Variants in FCGRT observed in about 807,000 individuals in gnomAD.
FCGRT encodes the protein IgG receptor FcRn large subunit p51.
FCGRT carries 13 observed loss-of-function variants against 35.7 expected under a neutral mutation model. The observed-to-expected ratio is 0.36, with a 90% CI of 0.24 to 0.58. The LOEUF is 0.58. Among genes scored for constraint, FCGRT ranks in the 20% least tolerant of loss-of-function variants. The pLI is 0.77. For synonymous variants in FCGRT, 233 were observed against 216.5 expected (o/e 1.08, Z -0.67); for missense variants, 455 against 474.9 (o/e 0.96, Z 0.39).
intron 4 of FCGRT, among the ~76,000 whole-genome samples, chr19:49,519,479 G>GT (rs528586210): frequency 6.6e-5 from 10 of 151,392 alleles, no homozygotes; most frequent in African/African-American, 1.9e-4. Context: ...TTTTCTTTTT[G>GT]TTTTTTTTCC....
intron 4 of FCGRT, among the ~76,000 whole-genome samples, chr19:49,517,799 TCTC>T (rs554359781): frequency 6.6e-6 from 1 of 152,066 alleles, no homozygotes; most frequent in South Asian, 2.1e-4. Context: ...TTCAAACAAT[TCTC>T]CTGCCTCAGC....
In FCGRT at chr19:49,514,284, C is replaced by T. The variant is rs749180876; in HGVS notation, c.399C>T (p.Phe133=). 17 of 1,611,818 alleles carry T rather than the reference C, an allele frequency of 1.1e-5. No individual in the cohort carries two copies. The South Asian group carries it at 1.2e-4, about 12-fold the overall frequency. The change falls in exon 4 of 7, where the codon TTC becomes TTT. Residue 133 remains phenylalanine (F), a synonymous_variant. Transcript: ENST00000221466. ...ACACCTCGGTGCCCACCGCCAAGTTCGCCCTGAACGGCGAGGAGTTCATGA... is the reference window on the plus strand; with the variant it reads ...ACACCTCGGTGCCCACCGCCAAGTTTGCCCTGAACGGCGAGGAGTTCATGA... ...PDNTSVPTAK[F]ALNGEEFMNF...
chr19:49,514,796 T>C (rs192733756), intron 4 of FCGRT, among the ~76,000 whole-genome samples: 7 of 149,090 alleles, frequency 4.7e-5, no homozygotes, highest in Non-Finnish European at 1.0e-4. Flanking sequence ...CGGGTTCAAG[T>C]GATCTCCTGC....
rs933495590 is a variant in FCGRT at position 49,512,695 on chromosome 19, G to C, written c.-70G>C. 5 of 155,234 alleles carry C rather than the reference G, an allele frequency of 3.2e-5. No individual in the cohort carries two copies. Among genetic ancestry groups the C allele is most frequent in the Middle Eastern group, 3.3e-3 (1 of 302 alleles). The allele number at this position is 155,234 out of a possible 1,614,324, so 9.6% of individuals were successfully genotyped here. A position where few individuals can be genotyped will look rare whatever the true frequency, so the allele number is the denominator to read the frequency against. Reference sequence around the variant, plus strand: ...GAGAGGAACTGGGGTCTCCAGTCACGGGAGCCAGGAGCCGGCCAGGGCCGC... The same window carrying C: ...GAGAGGAACTGGGGTCTCCAGTCACCGGAGCCAGGAGCCGGCCAGGGCCGC... On this transcript the variant is annotated 5_prime_UTR_variant, in exon 1 of 7. Transcript: ENST00000221466.
At chr19:49,518,424 G>A (rs2080021389) in intron 4 of FCGRT, among the ~76,000 whole-genome samples, 1 of 150,068 alleles carries the variant, frequency 6.7e-6, no homozygotes, top group Admixed American at 6.7e-5. Context: ...GGAGTCCAGT[G>A]GTGCAATCAT....
chr19:49,513,152 G>A (rs2079983273), intron 1 of FCGRT: 2 of 322,568 alleles, frequency 6.2e-6, no homozygotes, highest in South Asian at 1.4e-4. Flanking sequence ...CGGAAGGGGC[G>A]TGGCGGAGCT....
At position 49,524,712 on chromosome 19, in the gene FCGRT, T is replaced by C. The variant is rs2080062904; in HGVS notation, c.807T>C (p.Asp269=). ...CGTCACTAACAGTCAAAAGTGGCGATGAGCACCACTACTGCTGCATTGTGC... is the reference window on the plus strand; with the variant it reads ...CGTCACTAACAGTCAAAAGTGGCGACGAGCACCACTACTGCTGCATTGTGC... ...ASSSLTVKSG[D]EHHYCCIVQH... The change falls in exon 5 of 7, where the codon GAT becomes GAC. Residue 269 remains aspartate, a synonymous_variant. Transcript: ENST00000221466. 1.2e-6 allele frequency: 2 copies of C among 1,602,690 alleles called. No homozygotes were observed. The highest frequency in any genetic ancestry group is 1.7e-6 in the Non-Finnish European group (2 of 1,179,932).
Position 49,513,411 on chromosome 19 carries a change from C to A in FCGRT, c.11C>A (p.Pro4Gln). The A allele has an allele frequency of 1.6e-6, 2 of 1,245,120 alleles. No individual in the cohort carries two copies. The highest frequency in any genetic ancestry group is 1.0e-6 in the Non-Finnish European group (1 of 987,632). The allele number at this position is 1,245,120 out of a possible 1,614,324, so 77.1% of individuals were successfully genotyped here. The stretch of plus-strand genomic sequence containing the variant: ...GGTCGTCCTCTCAGCATGGGGGTCC[C>A]GCGGCCTCAGCCCTGGGCGCTGGGG... MGV[P>Q]RPQPWALGLL... Residue 4 changes from proline (P) to glutamine (Q), a missense_variant, in exon 2 of 7, where the codon CCG (proline) becomes CAG (glutamine). Around this residue, in one of 3 missense-constraint regions of FCGRT, gnomAD observed 136 missense variants for 158.9 expected, o/e 0.86. Transcript: ENST00000221466.
chr19:49,525,621 C>A, intron 6 of FCGRT, 48 bp downstream of exon 6: 1 of 1,317,498 alleles, frequency 7.6e-7, no homozygotes, highest in Non-Finnish European at 1.1e-6. Context: ...ACAGAGACCC[C>A]AAGAGAGGGG....
At chr19:49,517,778 C>T (rs571480182) in intron 4 of FCGRT, among the ~76,000 whole-genome samples, 26 of 152,018 alleles carry the variant, frequency 1.7e-4, no homozygotes, top group African/African-American at 5.6e-4. Flanking sequence ...CTGCAAGCTT[C>T]GCCTCCCAGG....
intron 1 of FCGRT, among the ~76,000 whole-genome samples, chr19:49,512,969 A>T (rs1250138073): frequency 2.2e-4 from 10 of 44,624 alleles, no homozygotes; most frequent in African/African-American, 5.4e-4. Context: ...GGTCCGAGGG[A>T]GGAGGGGTTG....
intron 4 of FCGRT, chr19:49,521,860 G>C (rs570777645): frequency 6.6e-6 from 1 of 151,848 alleles, no homozygotes; most frequent in African/African-American, 2.4e-5. Context: ...TTCAGAGACG[G>C]GGTTTCTCCA....
intron 1 of FCGRT, 33 bp from the exon 2 acceptor site, chr19:49,513,354 T>TGGGGGGGG: frequency 2.6e-6 from 1 of 380,732 alleles, no homozygotes; most frequent in Non-Finnish European, 3.8e-6. Flanking sequence ...GGGCCGGGGG[T>TGGGGGGGG]CGGGAGGAGT....
At chr19:49,523,187 G>T (rs1025368610) in intron 4 of FCGRT, among the ~76,000 whole-genome samples, 1 of 152,148 alleles carries the variant, frequency 6.6e-6, no homozygotes, top group African/African-American at 2.4e-5. Context: ...TGTAGGAATA[G>T]AATCATTTCT....
chr19:49,513,711 C>T (rs2122660126), intron 2 of FCGRT, 171 bp from the exon 3 acceptor site: 2 of 569,132 alleles, frequency 3.5e-6, no homozygotes, highest in Admixed American at 2.9e-5. Flanking sequence ...TTCTGGGTCT[C>T]TTGTCTCTCT....
chr19:49,513,317 GC>G, intron 1 of FCGRT, 69 bp from the exon 2 acceptor site: 1 of 750,604 alleles, frequency 1.3e-6, no homozygotes. Flanking sequence ...TCCCGGCCGT[GC>G]CCGCGGTGTC....
chr19:49,517,849 C>T (rs1415726668), intron 4 of FCGRT, among the ~76,000 whole-genome samples: 2 of 152,086 alleles, frequency 1.3e-5, no homozygotes, highest in African/African-American at 2.4e-5. Context: ...CCCGCCACCT[C>T]GCCCAGCCAA....
At chr19:49,522,505 C>T (rs1246263929) in intron 4 of FCGRT, among the ~76,000 whole-genome samples, 1 of 151,884 alleles carries the variant, frequency 6.6e-6, no homozygotes, top group Non-Finnish European at 1.5e-5. Context: ...AATCTTGGCT[C>T]AATGCAACCT....
intron 4 of FCGRT, among the ~76,000 whole-genome samples, chr19:49,523,676 C>T (rs146390579): frequency 4.6e-5 from 7 of 151,756 alleles, no homozygotes; most frequent in East Asian, 2.0e-4. Flanking sequence ...CTGGCTAAGA[C>T]GGTGAAACCC....
Sources: allele counts gnomAD v4.1 joint callset (sites outside exome capture counted in the v4.1 genomes callset), GRCh38; gene constraint gnomAD v4.1.1; regional missense constraint gnomAD v4.1.1; transcripts MANE v1.5; gene names NCBI Gene and HGNC (gene_info 2026-07-23, HGNC 2026-07-21).